The following TANC2 variants were observed in gnomAD, a reference collection of about 807,000 sequenced individuals.
TANC2 encodes the protein tetratricopeptide repeat, ankyrin repeat and coiled-coil containing 2.
TANC2 carries 26 observed loss-of-function variants against 210.5 expected under a neutral mutation model. That is an observed-to-expected ratio of 0.12 (90% CI 0.09 to 0.17). The LOEUF is 0.17. Ranked by LOEUF, TANC2 falls within the 10% of genes least tolerant of loss-of-function variation. TANC2 has a pLI of 1.00. For synonymous variants in TANC2, 931 were observed against 967.1 expected, an observed-to-expected ratio of 0.96 and a Z score of 0.69; for missense variants, 2,129 against 2,608.9, an observed-to-expected ratio of 0.82 and a Z score of 4.01.
At chr17:63,356,834 GGTCATATAGTATGAT>G (rs2046796174) in intron 14 of TANC2, among the ~76,000 whole-genome samples, 1 of 152,152 alleles carries the variant, frequency 6.6e-6, no homozygotes, top group South Asian at 2.1e-4. Flanking sequence ...AGTTAAGTGA[GGTCATATAGTATGAT>G]GCCTAGAATA....
At chr17:63,397,136 G>A (rs1003529784) in intron 18 of TANC2, among the ~76,000 whole-genome samples, 8 of 152,042 alleles carry the variant, frequency 5.3e-5, no homozygotes, top group Non-Finnish European at 1.0e-4. Flanking sequence ...TTAGTCAGGC[G>A]TGGCAGTAGG....
chr17:63,352,773 C>T (rs1373667006), intron 13 of TANC2, among the ~76,000 whole-genome samples: 3 of 152,054 alleles, frequency 2.0e-5, no homozygotes, highest in African/African-American at 7.2e-5. Context: ...GAAAATGAGC[C>T]TTCATTTATA....
At chr17:63,199,827 A>C (rs2041468146) in intron 6 of TANC2, among the ~76,000 whole-genome samples, 1 of 152,250 alleles carries the variant, frequency 6.6e-6, no homozygotes, top group South Asian at 2.1e-4. Context: ...AAGTGTAAGA[A>C]TCATTCAGGA....
At chr17:63,106,139 G>T (rs1002746595) in intron 4 of TANC2, among the ~76,000 whole-genome samples, 1 of 151,442 alleles carries the variant, frequency 6.6e-6, no homozygotes, top group Non-Finnish European at 1.5e-5. Context: ...TTGGAAAAAA[G>T]GGGGGGCCCT....
intron 7 of TANC2, among the ~76,000 whole-genome samples, chr17:63,203,716 G>A (rs1235934631): frequency 1.3e-5 from 2 of 152,098 alleles, no homozygotes; most frequent in Non-Finnish European, 2.9e-5. Flanking sequence ...AGAAAACAGA[G>A]GACTGAGCAC....
intron 14 of TANC2, among the ~76,000 whole-genome samples, chr17:63,357,973 A>G (rs896014816): frequency 4.6e-5 from 7 of 152,202 alleles, no homozygotes; most frequent in Non-Finnish European, 7.3e-5. Flanking sequence ...AGTGCCTGAC[A>G]TGTACATCTC....
intron 4 of TANC2, among the ~76,000 whole-genome samples, chr17:63,123,998 G>T (rs934980742): frequency 6.6e-5 from 10 of 152,146 alleles, no homozygotes; most frequent in African/African-American, 2.4e-4. Flanking sequence ...ACAGCGCCCG[G>T]CCATAAGGTC....
At chr17:63,409,935 C>T (rs1242739641) in intron 21 of TANC2, among the ~76,000 whole-genome samples, 1 of 152,182 alleles carries the variant, frequency 6.6e-6, no homozygotes, top group Non-Finnish European at 1.5e-5. Flanking sequence ...ATTATACTTA[C>T]TGGTTGAGCA....
At chr17:63,274,261 CA>C (rs1358165695) in intron 9 of TANC2, among the ~76,000 whole-genome samples, 2 of 151,272 alleles carry the variant, frequency 1.3e-5, no homozygotes, top group Non-Finnish European at 2.9e-5. Flanking sequence ...AACTGTTCTA[CA>C]AAAATTGATA....
exon 3 of TANC2, chr17:63,073,966 G>A (rs747441098): frequency 2.5e-6 from 4 of 1,589,490 alleles, no homozygotes; most frequent in Non-Finnish European, 3.4e-6. Context: ...GGAACCACCG[G>A]ATCGAAGACA....
chr17:63,261,831 A>G (rs999854668), intron 8 of TANC2, among the ~76,000 whole-genome samples: 3 of 152,216 alleles, frequency 2.0e-5, no homozygotes, highest in Non-Finnish European at 2.9e-5. Context: ...CAAACTCTGT[A>G]TTTTAACCTA....
intron 3 of TANC2, among the ~76,000 whole-genome samples, chr17:63,096,802 G>GT (rs2037404046): frequency 6.6e-6 from 1 of 152,016 alleles, no homozygotes; most frequent in Admixed American, 6.6e-5. Flanking sequence ...GTAATTCTGT[G>GT]TTTAACTTTT....
chr17:63,157,636 A>T (rs1425412944), intron 5 of TANC2, among the ~76,000 whole-genome samples: 1 of 152,204 alleles, frequency 6.6e-6, no homozygotes, highest in Non-Finnish European at 1.5e-5. Flanking sequence ...TAAAATGGGG[A>T]TGATAATATT....
intron 7 of TANC2, among the ~76,000 whole-genome samples, chr17:63,216,264 G>T (rs896117891): frequency 1.3e-5 from 2 of 151,370 alleles, no homozygotes; most frequent in Non-Finnish European, 2.9e-5. Flanking sequence ...GGCCAGGCTG[G>T]TCTGGAACTC....
chr17:63,410,354 C>G (rs2048655217), intron 21 of TANC2, among the ~76,000 whole-genome samples: 1 of 139,358 alleles, frequency 7.2e-6, no homozygotes, highest in African/African-American at 2.6e-5. Context: ...CCCCCATCTC[C>G]TAGTTTCTGG....
At chr17:63,278,350 A>AT (rs2043955200) in intron 9 of TANC2, among the ~76,000 whole-genome samples, 1 of 152,294 alleles carries the variant, frequency 6.6e-6, no homozygotes, top group African/African-American at 2.4e-5. Context: ...AGACATACAA[A>AT]TAGCCAATAG....
At chr17:63,359,735 A>G (rs1022897255) in intron 14 of TANC2, among the ~76,000 whole-genome samples, 1 of 152,180 alleles carries the variant, frequency 6.6e-6, no homozygotes, top group Non-Finnish European at 1.5e-5. Context: ...ATACAACCTA[A>G]TGAGATTGTG....
At chr17:63,218,135 A>G (rs1378058174) in intron 7 of TANC2, among the ~76,000 whole-genome samples, 2 of 152,082 alleles carry the variant, frequency 1.3e-5, no homozygotes, top group African/African-American at 2.4e-5. Context: ...GTTTTTAGAA[A>G]TTAGCCAGGT....
intron 17 of TANC2, chr17:63,391,707 G>A (rs2047981416): frequency 6.7e-6 from 1 of 149,296 alleles, no homozygotes; most frequent in African/African-American, 2.5e-5. Context: ...CCCCTCCATA[G>A]TATTAGCAAT....
Sources: allele counts gnomAD v4.1 joint callset (sites outside exome capture counted in the v4.1 genomes callset), GRCh38; gene constraint gnomAD v4.1.1; transcripts MANE v1.5; gene names NCBI Gene and HGNC (gene_info 2026-07-23, HGNC 2026-07-21).